Variants in KCNQ3 observed in about 807,000 individuals in gnomAD.
KCNQ3 encodes potassium voltage-gated channel subfamily KQT member 3.
A neutral mutation model predicts 92.5 loss-of-function variants in KCNQ3; 30 were observed. The ratio of observed to expected loss-of-function variants is 0.32; its 90% confidence interval spans 0.24 to 0.44. The LOEUF (loss-of-function observed/expected upper bound fraction) is 0.44. Among genes scored for constraint, KCNQ3 ranks in the 20% least tolerant of loss-of-function variants. The pLI, the probability that KCNQ3 is intolerant of heterozygous loss-of-function variation, is 1.00. For missense variants in KCNQ3, 913 were observed against 1,140.3 expected (o/e 0.80, Z 2.87); for synonymous variants, 450 against 468.8 (o/e 0.96, Z 0.52).
rs1034136523 is a variant in KCNQ3 at position 132,360,408 on chromosome 8, C to G, written c.386+119739G>C. Among the ~76,000 whole-genome samples, 91 of 152,364 alleles carry G rather than the reference C, an allele frequency of 6.0e-4. 1 individual carries two copies. The highest frequency in any genetic ancestry group is 1.9e-3 in the African/African-American group (80 of 41,596). ...CTTGTTTGTTGATGACCCATCTCCT[C>G]TCACCAGAATGTGAGCCTCATGGGG... On this transcript the variant is annotated intron_variant, in intron 1 of 14. Coordinates refer to ENST00000388996, the MANE Select transcript of KCNQ3 (RefSeq NM_004519.4).
intron 1 of KCNQ3, among the ~76,000 whole-genome samples, chr8:132,258,227 A>G (rs1216390966): frequency 6.6e-6 from 1 of 152,162 alleles, no homozygotes; most frequent in Admixed American, 6.5e-5. Context: ...TCAAGTACAC[A>G]TGAAACACTT....
chr8:132,130,035 G>T, intron 14 of KCNQ3, 39 bp from the exon 15 acceptor site: 1 of 1,605,908 alleles, frequency 6.2e-7, no homozygotes, highest in Non-Finnish European at 8.5e-7. Context: ...CACTTTCTCT[G>T]AGGGTGGGGA....
In KCNQ3 at chr8:132,312,761, G is replaced by A. The variant is rs116834736; in HGVS notation, c.387-126580C>T. ...TTCACACTCTCGCTCTCCCTCACCT[G>A]CTGCCATGTAAGACATGCCTGCTTC... On this transcript the variant is annotated intron_variant, in intron 1 of 14. Transcript: ENST00000388996. 9.7e-3 allele frequency among the ~76,000 whole-genome samples: 1,473 copies of A among 152,228 alleles called. 30 individuals are homozygous for A. The highest frequency in any genetic ancestry group is 0.034 in the African/African-American group (1,395 of 41,526).
intron 1 of KCNQ3, among the ~76,000 whole-genome samples, chr8:132,355,926 G>T (rs1404665634): frequency 6.6e-6 from 1 of 152,224 alleles, no homozygotes; most frequent in Admixed American, 6.5e-5. Context: ...TTTACTCGGG[G>T]AGAGTCAAAT....
intron 1 of KCNQ3, among the ~76,000 whole-genome samples, chr8:132,318,141 T>C (rs1050070480): frequency 3.9e-5 from 6 of 152,228 alleles, no homozygotes; most frequent in Non-Finnish European, 7.3e-5. Context: ...AGTAGATCTA[T>C]GGGTATGGTA....
chr8:132,266,703 G>T (rs911993630), intron 1 of KCNQ3, among the ~76,000 whole-genome samples: 1 of 152,192 alleles, frequency 6.6e-6, no homozygotes, highest in African/African-American at 2.4e-5. Context: ...TGAAGGCCAT[G>T]TGAAAGCCCA....
chr8:132,220,010 T>A (rs1350429123), intron 1 of KCNQ3, among the ~76,000 whole-genome samples: 3 of 152,208 alleles, frequency 2.0e-5, no homozygotes, highest in African/African-American at 4.8e-5. Context: ...TATATTTTTT[T>A]AATTCTGATT....
At chr8:132,423,984 G>C (rs1194094289) in intron 1 of KCNQ3, among the ~76,000 whole-genome samples, 1 of 152,052 alleles carries the variant, frequency 6.6e-6, no homozygotes, top group Non-Finnish European at 1.5e-5. Flanking sequence ...AAAAACAAAA[G>C]CTGCAGGACT....
intron 1 of KCNQ3, among the ~76,000 whole-genome samples, chr8:132,432,704 C>T (rs1468810012): frequency 6.6e-6 from 1 of 152,134 alleles, no homozygotes; most frequent in Non-Finnish European, 1.5e-5. Context: ...CTACTTCTTC[C>T]CCCTCACATC....
chr8:132,333,945 C>G (rs1818297934), intron 1 of KCNQ3, among the ~76,000 whole-genome samples: 1 of 151,856 alleles, frequency 6.6e-6, no homozygotes, highest in South Asian at 2.1e-4. Flanking sequence ...GTTGGCCAGG[C>G]TCGTCTCGAA....
intron 1 of KCNQ3, among the ~76,000 whole-genome samples, chr8:132,350,651 T>G (rs913153829): frequency 2.6e-5 from 4 of 152,160 alleles, no homozygotes; most frequent in African/African-American, 9.7e-5. Flanking sequence ...ATTTTCCATC[T>G]CCTTTTCCTT....
At chr8:132,166,575 G>C (rs1213865924) in intron 8 of KCNQ3, among the ~76,000 whole-genome samples, 1 of 152,108 alleles carries the variant, frequency 6.6e-6, no homozygotes, top group African/African-American at 2.4e-5. Context: ...GGGGGTTCCT[G>C]AACTTCTGGG....
intron 1 of KCNQ3, among the ~76,000 whole-genome samples, 157 bp downstream of exon 1, chr8:132,479,990 A>ACACC (rs1822509379): frequency 2.7e-5 from 4 of 147,696 alleles, no homozygotes; most frequent in Admixed American, 6.7e-5. Context: ...ACACACACAC[A>ACACC]CACCCAGGGA....
intron 1 of KCNQ3, among the ~76,000 whole-genome samples, chr8:132,306,397 C>A (rs1384255180): frequency 6.6e-6 from 1 of 152,206 alleles, no homozygotes; most frequent in Admixed American, 6.5e-5. Context: ...ACTGTCCTTG[C>A]AGATCTCTGA....
intron 1 of KCNQ3, chr8:132,278,094 A>G (rs1816396781): frequency 1.0e-6 from 1 of 985,420 alleles, no homozygotes; most frequent in African/African-American, 1.7e-5. Flanking sequence ...CTCAAAGACC[A>G]TGAGATTTCC....
intron 1 of KCNQ3, among the ~76,000 whole-genome samples, chr8:132,222,477 TTTAG>T (rs1336606920): frequency 6.6e-6 from 1 of 152,118 alleles, no homozygotes; most frequent in Non-Finnish European, 1.5e-5. Context: ...AGTTGAATGG[TTTAG>T]TTAGATTCTG....
intron 1 of KCNQ3, among the ~76,000 whole-genome samples, chr8:132,466,233 A>G (rs997415778): frequency 6.6e-6 from 1 of 152,066 alleles, no homozygotes; most frequent in East Asian, 1.9e-4. Flanking sequence ...ATGAGGGGGA[A>G]AAAACACTAG....
In KCNQ3 at chr8:132,127,756, C is replaced by T. The variant is rs949746475; in HGVS notation, c.*1506G>A. 1 of 152,214 alleles carries T rather than the reference C, an allele frequency of 6.6e-6. No individual in the cohort carries two copies. Among genetic ancestry groups the T allele is most frequent in the African/African-American group, 2.4e-5 (1 of 41,438 alleles). The allele number at this position is 152,214 out of a possible 1,614,324, so 9.4% of individuals were successfully genotyped here. A position where few individuals can be genotyped will look rare whatever the true frequency, so the allele number is the denominator to read the frequency against. ...TAAGCCTAACAGAAACCTTTTCCAT[C>T]AAAGTTTTTCAGAGAATAACAACAT... On this transcript the variant is annotated 3_prime_UTR_variant, in exon 15 of 15. Transcript: ENST00000388996.
intron 1 of KCNQ3, among the ~76,000 whole-genome samples, chr8:132,351,182 C>T (rs577381336): frequency 6.6e-6 from 1 of 152,298 alleles, no homozygotes; most frequent in Admixed American, 6.5e-5. Context: ...ATGTCCAATC[C>T]TCAATCCCCA....
Sources: allele counts gnomAD v4.1 joint callset (sites outside exome capture counted in the v4.1 genomes callset), GRCh38; gene constraint gnomAD v4.1.1; transcripts MANE v1.5; gene names NCBI Gene and HGNC (gene_info 2026-07-23, HGNC 2026-07-21).